Variants in TMEM62 observed in about 807,000 individuals in gnomAD.
The protein encoded by TMEM62 is transmembrane protein 62.
TMEM62 carries 41 observed loss-of-function variants against 70.4 expected under a neutral mutation model. The observed-to-expected ratio is 0.58, with a 90% CI of 0.45 to 0.76. The LOEUF (loss-of-function observed/expected upper bound fraction) is 0.76, where lower values mean the gene tolerates loss of function less well. Among genes scored for constraint, TMEM62 ranks in the 30% least tolerant of loss-of-function variants. The pLI, the probability that TMEM62 is intolerant of heterozygous loss-of-function variation, is 0.00. For synonymous variants in TMEM62, 268 were observed against 291.0 expected (o/e 0.92, Z 0.80); for missense variants, 688 against 788.5 (o/e 0.87, Z 1.53).
intron 11 of TMEM62, among the ~76,000 whole-genome samples, chr15:43,172,102 G>A (rs1270777786): frequency 6.6e-6 from 1 of 152,052 alleles, no homozygotes; most frequent in East Asian, 1.9e-4. Context: ...ACCCAAGTAT[G>A]TTTTGTCTTT....
At chr15:43,169,198 T>C (rs1321447864) in intron 10 of TMEM62, 1 of 162,632 alleles carries the variant, frequency 6.1e-6, no homozygotes, top group Non-Finnish European at 1.3e-5. Context: ...TGAAAGTGCT[T>C]TCTTGTGGGG....
intron 10 of TMEM62, among the ~76,000 whole-genome samples, chr15:43,168,032 G>C (rs970238602): frequency 6.6e-6 from 1 of 152,090 alleles, no homozygotes; most frequent in Non-Finnish European, 1.5e-5. Context: ...GCTGAGGCAG[G>C]AGACTCAGGC....
chr15:43,166,961 C>T (rs2039502941), intron 10 of TMEM62, among the ~76,000 whole-genome samples: 1 of 152,266 alleles, frequency 6.6e-6, no homozygotes, highest in African/African-American at 2.4e-5. Context: ...CGGCAACCAT[C>T]CGATTTCTCA....
intron 11 of TMEM62, among the ~76,000 whole-genome samples, chr15:43,173,541 C>T (rs1769398189): frequency 1.3e-5 from 2 of 152,190 alleles, no homozygotes; most frequent in Non-Finnish European, 2.9e-5. Context: ...AGCCTAGATA[C>T]TTTTTCACTG....
At chr15:43,151,997 A>G in intron 8 of TMEM62, 52 bp downstream of exon 8, 1 of 1,450,172 alleles carries the variant, frequency 6.9e-7, no homozygotes, top group Non-Finnish European at 9.4e-7. Context: ...GAAGGAGAAT[A>G]AGTCATTGTG....
chr15:43,182,032 A>G (rs1441800970), intron 13 of TMEM62, among the ~76,000 whole-genome samples: 1 of 152,216 alleles, frequency 6.6e-6, no homozygotes, highest in Non-Finnish European at 1.5e-5. Context: ...TATTCAGTGG[A>G]AACTGCATTA....
chr15:43,183,570 C>G (rs545100219), intron 13 of TMEM62, among the ~76,000 whole-genome samples: 2 of 152,298 alleles, frequency 1.3e-5, no homozygotes, highest in East Asian at 3.9e-4. Flanking sequence ...CTCTGAGAGC[C>G]TTTCTCCCAG....
rs1284749329 is a variant in TMEM62 at position 43,133,662 on chromosome 15, AGCCCCGCATCCGGCGCCG to A, written c.-129_-112del. 8 of 566,286 alleles carry A rather than the reference AGCCCCGCATCCGGCGCCG, an allele frequency of 1.4e-5. No individual in the cohort carries two copies. Among genetic ancestry groups the A allele is most frequent in the Non-Finnish European group, 2.1e-5 (8 of 379,548 alleles). The allele number at this position is 566,286 out of a possible 1,614,324, so 35.1% of individuals were successfully genotyped here. On this transcript the variant is annotated 5_prime_UTR_variant, in exon 1 of 14. Transcript: ENST00000260403. The stretch of plus-strand genomic sequence containing the variant: ...CACCCTAGGCCCAGTGTCTGGCTCC[AGCCCCGCATCCGGCGCCG>A]GCCCCGCATCCAGCTCTGGCCCTGC...
At chr15:43,138,863 T>G (rs1366140267) in intron 4 of TMEM62, among the ~76,000 whole-genome samples, 1 of 152,226 alleles carries the variant, frequency 6.6e-6, no homozygotes, top group Non-Finnish European at 1.5e-5. Flanking sequence ...GGTAAAATTT[T>G]TCTATAAAGA....
At chr15:43,135,948 A>G (rs1317582969) in intron 3 of TMEM62, among the ~76,000 whole-genome samples, 1 of 152,002 alleles carries the variant, frequency 6.6e-6, no homozygotes, top group East Asian at 1.9e-4. Flanking sequence ...TTACATAGGT[A>G]TATATGTGCC....
At chr15:43,176,216 G>A (rs1038948075) in intron 11 of TMEM62, among the ~76,000 whole-genome samples, 6 of 152,256 alleles carry the variant, frequency 3.9e-5, no homozygotes, top group African/African-American at 1.2e-4. Context: ...ACAGCTCAAG[G>A]AGGCCTGCCT....
chr15:43,169,748 A>C, intron 11 of TMEM62, 71 bp downstream of exon 11: 1 of 1,350,988 alleles, frequency 7.4e-7, no homozygotes, highest in Non-Finnish European at 1.0e-6. Context: ...AAATATTTTA[A>C]AGAGGTTTAT....
intron 12 of TMEM62, chr15:43,180,600 AAGTC>A (rs2041241552): frequency 6.6e-6 from 1 of 152,258 alleles, no homozygotes; most frequent in South Asian, 2.1e-4. Flanking sequence ...GAGGATAGAA[AAGTC>A]AGCATGGCAT....
chr15:43,164,029 T>C (rs779631908), intron 10 of TMEM62, among the ~76,000 whole-genome samples: 1 of 152,230 alleles, frequency 6.6e-6, no homozygotes, highest in Non-Finnish European at 1.5e-5. Context: ...ACTGTTTTTT[T>C]ATTCTTATAG....
chr15:43,171,413 A>G (rs958410773), intron 11 of TMEM62, among the ~76,000 whole-genome samples: 1 of 151,700 alleles, frequency 6.6e-6, no homozygotes, highest in African/African-American at 2.4e-5. Flanking sequence ...CCCATCCTTC[A>G]TAAACCTTCC....
intron 9 of TMEM62, among the ~76,000 whole-genome samples, chr15:43,157,638 G>A (rs2038200342): frequency 6.6e-6 from 1 of 152,034 alleles, no homozygotes; most frequent in Non-Finnish European, 1.5e-5. Context: ...ATCAACTCAT[G>A]ATCAATCTTG....
intron 10 of TMEM62, among the ~76,000 whole-genome samples, chr15:43,167,565 T>C (rs2039653779): frequency 6.7e-6 from 1 of 150,310 alleles, no homozygotes; most frequent in Non-Finnish European, 1.5e-5. Context: ...CTAGATGGGA[T>C]GGCGGCCGGG....
chr15:43,164,474 G>T (rs1393213516), intron 10 of TMEM62, among the ~76,000 whole-genome samples: 4 of 149,704 alleles, frequency 2.7e-5, no homozygotes, highest in Non-Finnish European at 5.9e-5. Context: ...TTTGAGATGG[G>T]GTCCTCCCAA....
intron 9 of TMEM62, 51 bp from the exon 10 acceptor site, chr15:43,160,630 T>C: frequency 1.0e-6 from 1 of 963,298 alleles, no homozygotes; most frequent in Non-Finnish European, 1.6e-6. Context: ...TAGAACATTA[T>C]AAATATTTCC....
Sources: gnomAD v4.1 joint callset for allele counts (sites outside exome capture counted in the v4.1 genomes callset) on GRCh38, gnomAD v4.1.1 for gene constraint, MANE v1.5 for transcripts, NCBI Gene and HGNC (gene_info 2026-07-23, HGNC 2026-07-21) for gene names.